The following PPIL6 variants were observed in gnomAD, a reference collection of about 807,000 sequenced individuals.
The protein encoded by PPIL6 is peptidylprolyl isomerase like 6, also known as probable inactive peptidyl-prolyl cis-trans isomerase-like 6.
In PPIL6, 39 loss-of-function variants were observed where a neutral mutation model predicts 36.8. The observed-to-expected ratio is 1.06, with a 90% CI of 0.82 to 1.38. The LOEUF (loss-of-function observed/expected upper bound fraction) is 1.38, where lower values mean the gene tolerates loss of function less well. PPIL6 is among the 40% of genes most tolerant of loss of function. The pLI is 0.00. For missense variants in PPIL6, 368 were observed against 379.1 expected, an observed-to-expected ratio of 0.97 and a Z score of 0.24; for synonymous variants, 123 against 134.1, an observed-to-expected ratio of 0.92 and a Z score of 0.57.
At position 109,391,924 on chromosome 6, in the gene PPIL6, C is replaced by A. The variant is rs1772110308; in HGVS notation, c.*902G>T. ...TGCATCATTCCTATTTGGTTACTTA[C>A]CAAGTTTCTCCTAGGAGTACATGTA... is the stretch of plus-strand genomic sequence containing the variant. On this transcript the variant is annotated 3_prime_UTR_variant, in exon 8 of 8. Transcript: ENST00000521072. The A allele has an allele frequency of 6.6e-6, 1 of 152,182 alleles. No homozygotes were observed. Among genetic ancestry groups the A allele is most frequent in the South Asian group, 2.1e-4 (1 of 4,830 alleles). The allele number at this position is 152,182 out of a possible 1,614,324, so 9.4% of individuals were successfully genotyped here. A position where few individuals can be genotyped will look rare whatever the true frequency, so the allele number is the denominator to read the frequency against.
chr6:109,435,738 A>G (rs1774409168), intron 2 of PPIL6, among the ~76,000 whole-genome samples: 2 of 152,136 alleles, frequency 1.3e-5, no homozygotes. Flanking sequence ...TACCCTGGGC[A>G]ACATGGTGAA....
In PPIL6 at chr6:109,413,378, T is replaced by A. The variant is rs1773101433; in HGVS notation, c.688+5809A>T. The stretch of plus-strand genomic sequence containing the variant: ...ATGAAAAGGTGCTCAACACCACTGA[T>A]CATCAGAGAAACGTAAACCCAAACT... On this transcript the variant is annotated intron_variant, in intron 6 of 7. Coordinates refer to ENST00000521072, the MANE Select transcript of PPIL6 (RefSeq NM_173672.5). The surrounding 1 kb of genome is among the most constrained non-coding windows in gnomAD (Gnocchi z 4.6). Among the ~76,000 whole-genome samples the A allele has an allele frequency of 1.3e-5, 2 of 152,126 alleles. No homozygotes were observed. The highest frequency in any genetic ancestry group is 1.3e-4 in the Admixed American group (2 of 15,278).
intron 6 of PPIL6, among the ~76,000 whole-genome samples, chr6:109,407,954 T>TGGCGTACTCCTCA (rs1388941919): frequency 6.6e-6 from 1 of 152,154 alleles, no homozygotes; most frequent in African/African-American, 2.4e-5. Flanking sequence ...CTGCCACACC[T>TGGCGTACTCCTCA]GGCGTACTCC....
Position 109,392,529 on chromosome 6 carries a change from T to G in PPIL6, c.*297A>C, listed in dbSNP as rs933372332. ...GCTCCAGCCTCTCCACATTCCAGAC[T>G]GGATGAAGGGGAAGGGGCAGGACCA... On this transcript the variant is annotated 3_prime_UTR_variant, in exon 8 of 8. Coordinates refer to ENST00000521072, the MANE Select transcript of PPIL6 (RefSeq NM_173672.5). 1 of 260,542 alleles carries G rather than the reference T, an allele frequency of 3.8e-6. No individual in the cohort carries two copies. Among genetic ancestry groups the G allele is most frequent in the African/African-American group, 2.2e-5 (1 of 45,186 alleles). 16.1% of individuals were successfully genotyped at this position (260,542 alleles called of 1,614,324 possible).
At chr6:109,426,383 G>A (rs148212489) in intron 5 of PPIL6, among the ~76,000 whole-genome samples, 11 of 152,212 alleles carry the variant, frequency 7.2e-5, no homozygotes, top group Admixed American at 7.2e-4. Flanking sequence ...GACCTGAAAA[G>A]AAAGAGAACA....
At chr6:109,441,092 G>A (rs747355230), upstream of PPIL6, 2 of 1,613,728 alleles carry the variant, frequency 1.2e-6, no homozygotes, top group South Asian at 2.2e-5. Context: ...GAGAGTTCGA[G>A]CCGCCTAGCG....
chr6:109,416,843 T>C (rs1442233235), intron 6 of PPIL6, among the ~76,000 whole-genome samples: 1 of 152,116 alleles, frequency 6.6e-6, no homozygotes, highest in Non-Finnish European at 1.5e-5. Context: ...TGTGCCCACA[T>C]AAAAGCTGCA....
intron 2 of PPIL6, 144 bp from the exon 3 acceptor site, chr6:109,431,489 G>T (rs964125132): frequency 2.0e-6 from 1 of 488,778 alleles, no homozygotes; most frequent in African/African-American, 2.0e-5. Context: ...AGTTTTTATC[G>T]TCCTTCAGAA....
intron 3 of PPIL6, among the ~76,000 whole-genome samples, chr6:109,427,665 C>G (rs1388151246): frequency 3.3e-5 from 5 of 152,136 alleles, no homozygotes; most frequent in Non-Finnish European, 7.4e-5. Context: ...AAATTACAGG[C>G]GTGAGCTACC....
At chr6:109,435,333 C>T (rs1426098263) in intron 2 of PPIL6, among the ~76,000 whole-genome samples, 3 of 144,480 alleles carry the variant, frequency 2.1e-5, no homozygotes, top group African/African-American at 7.8e-5. Context: ...GAGTCTCACT[C>T]TGTCACCAAG....
intron 6 of PPIL6, among the ~76,000 whole-genome samples, chr6:109,409,286 G>C (rs534076263): frequency 3.7e-4 from 56 of 152,196 alleles, no homozygotes; most frequent in Non-Finnish European, 4.8e-4. Flanking sequence ...GTCAGGTCAG[G>C]TGCGGTGGCT....
intron 7 of PPIL6, among the ~76,000 whole-genome samples, chr6:109,399,800 A>G (rs1052714919): frequency 5.9e-5 from 9 of 152,110 alleles, no homozygotes; most frequent in African/African-American, 1.9e-4. Flanking sequence ...CTCAGCCTCC[A>G]AAAGTGCTGG....
At chr6:109,433,395 C>T (rs757336891) in intron 2 of PPIL6, among the ~76,000 whole-genome samples, 7 of 152,220 alleles carry the variant, frequency 4.6e-5, no homozygotes, top group Non-Finnish European at 7.3e-5. Flanking sequence ...AAAAATGTCA[C>T]TGTGGATATT....
intron 6 of PPIL6, among the ~76,000 whole-genome samples, chr6:109,414,567 C>T (rs1773164572): frequency 6.8e-6 from 1 of 148,078 alleles, no homozygotes; most frequent in African/African-American, 2.5e-5. Flanking sequence ...TCACTGCAGC[C>T]TCTGCCTCCC....
At position 109,400,873 on chromosome 6, in the gene PPIL6, T is replaced by C. The variant is rs149886275; in HGVS notation, c.689-703A>G. 3.6e-3 allele frequency among the ~76,000 whole-genome samples: 544 copies of C among 152,216 alleles called. 3 individuals are homozygous for C. The highest frequency in any genetic ancestry group is 0.012 in the African/African-American group (519 of 41,536). On this transcript the variant is annotated intron_variant, in intron 6 of 7. Coordinates refer to ENST00000521072, the MANE Select transcript of PPIL6 (RefSeq NM_173672.5). ...TCTTCAAATAAAATTTTTTTTTTGT[T>C]TTTTGAGAGGGAGTCTCGCTCTGTC...
intron 5 of PPIL6, among the ~76,000 whole-genome samples, chr6:109,423,970 T>C (rs1289759660): frequency 1.3e-5 from 2 of 152,118 alleles, no homozygotes; most frequent in African/African-American, 2.4e-5. Flanking sequence ...GTGAATAAAA[T>C]AGATAAAAAT....
In PPIL6 at chr6:109,417,009, C is replaced by CT. The variant is rs549992390; in HGVS notation, c.688+2177dup. ...AGAGCAAGACCCCATCTCTACAAAT[C>CT]TTTTTTTTAAAATTAGCCAGCGTGG... On this transcript the variant is annotated intron_variant, in intron 6 of 7. Transcript: ENST00000521072. Among the ~76,000 whole-genome samples the CT allele has an allele frequency of 3.9e-3, 585 of 151,116 alleles. 4 individuals carry two copies. The highest frequency in any genetic ancestry group is 0.014 in the African/African-American group (564 of 41,186).
chr6:109,411,516 T>C (rs1232248262), intron 6 of PPIL6, among the ~76,000 whole-genome samples: 2 of 152,222 alleles, frequency 1.3e-5, no homozygotes, highest in Non-Finnish European at 2.9e-5. Context: ...ATGAACAAGC[T>C]ACCTGGTTAC....
intron 6 of PPIL6, among the ~76,000 whole-genome samples, chr6:109,417,035 T>G (rs1355362746): frequency 1.3e-5 from 2 of 151,706 alleles, no homozygotes; most frequent in African/African-American, 4.8e-5. Flanking sequence ...GCCAGCGTGG[T>G]GGCATGCACC....
Sources: gnomAD v4.1 joint callset for allele counts (sites outside exome capture counted in the v4.1 genomes callset) on GRCh38, gnomAD v4.1.1 for gene constraint, Gnocchi (gnomAD v3.1) non-coding constraint, MANE v1.5 for transcripts, NCBI Gene and HGNC (gene_info 2026-07-23, HGNC 2026-07-21) for gene names.